ASCC3: variants seen among roughly 807,000 people sequenced by gnomAD.
The protein encoded by ASCC3 is activating signal cointegrator 1 complex subunit 3.
In ASCC3, 158 loss-of-function variants were observed where a neutral mutation model predicts 256.3. The observed-to-expected ratio is 0.62, with a 90% CI of 0.54 to 0.70. ASCC3 has a LOEUF of 0.70. Ranked by LOEUF, ASCC3 falls within the 30% of genes least tolerant of loss-of-function variation. The pLI is 0.00. For synonymous variants in ASCC3, 948 were observed against 883.4 expected, an observed-to-expected ratio of 1.07 and a Z score of -1.30; for missense variants, 2,259 against 2,626.0, an observed-to-expected ratio of 0.86 and a Z score of 3.05.
intron 10 of ASCC3, among the ~76,000 whole-genome samples, chr6:100,766,335 A>C (rs1415912622): frequency 5.3e-5 from 8 of 152,142 alleles, no homozygotes; most frequent in Non-Finnish European, 2.9e-5. Context: ...TTGGAACCTA[A>C]CCATATTTGA....
chr6:100,738,134 A>C (rs1397491898), intron 10 of ASCC3, among the ~76,000 whole-genome samples: 2 of 152,154 alleles, frequency 1.3e-5, no homozygotes, highest in African/African-American at 4.8e-5. Flanking sequence ...TGTCAGATGG[A>C]TAGATTGAGA....
intron 30 of ASCC3, among the ~76,000 whole-genome samples, chr6:100,617,722 T>C (rs755578495): frequency 2.0e-5 from 3 of 152,196 alleles, no homozygotes; most frequent in African/African-American, 7.2e-5. Flanking sequence ...AAGCACTCCT[T>C]CCTTCACAGA....
At chr6:100,543,884 C>T (rs1017062643) in intron 36 of ASCC3, among the ~76,000 whole-genome samples, 2 of 152,022 alleles carry the variant, frequency 1.3e-5, no homozygotes, top group Admixed American at 6.5e-5. Flanking sequence ...AAACACACAA[C>T]GCAATAAGAG....
intron 8 of ASCC3, among the ~76,000 whole-genome samples, chr6:100,770,803 T>C (rs1781882361): frequency 6.6e-6 from 1 of 151,752 alleles, no homozygotes; most frequent in African/African-American, 2.4e-5. Context: ...CTGAAAAATA[T>C]TCTATTTTGC....
chr6:100,516,206 C>T lies in ASCC3; in HGVS notation c.6049G>A (p.Glu2017Lys), dbSNP rs1289343553. The T allele has an allele frequency of 1.2e-6, 2 of 1,613,496 alleles. No homozygotes were observed. Among genetic ancestry groups the T allele is most frequent in the Non-Finnish European group, 1.7e-6 (2 of 1,179,682 alleles). The change falls in exon 39 of 42, where the codon GAG becomes AAG. Residue 2017 changes from glutamate to lysine, a missense_variant. By Grantham distance (56) the Glu-to-Lys change is moderately conservative. This residue lies in a region of ASCC3 where 1,839 missense variants were observed against 2,206.7 expected (regional missense o/e 0.83). Coordinates refer to ENST00000369162, the MANE Select transcript of ASCC3 (RefSeq NM_006828.4). ...TGTTTCGTTTTTGCAGCATGTAGCT[C>T]ACTTTCTACCATGGAGCTAAATACA... is the stretch of plus-strand genomic sequence containing the variant. ...DHVFSSMVES[E>K]LHAAKTKQAW...
intron 4 of ASCC3, among the ~76,000 whole-genome samples, chr6:100,845,124 G>A (rs1772326504): frequency 6.6e-6 from 1 of 152,076 alleles, no homozygotes; most frequent in Non-Finnish European, 1.5e-5. Flanking sequence ...ACAGGAATAT[G>A]TACAAATCTA....
chr6:100,802,969 C>G (rs1278292490), intron 5 of ASCC3, among the ~76,000 whole-genome samples: 3 of 152,070 alleles, frequency 2.0e-5, no homozygotes, highest in Non-Finnish European at 4.4e-5. Flanking sequence ...GATTGTGCCA[C>G]TGCTCCCTAG....
rs541245871 is a variant in ASCC3 at position 100,842,607 on chromosome 6, C to T, written c.801+5541G>A. Among the ~76,000 whole-genome samples the T allele has an allele frequency of 1.6e-3, 237 of 151,868 alleles. 1 individual carries two copies. The highest frequency in any genetic ancestry group is 4.9e-3 in the African/African-American group (203 of 41,424). On this transcript the variant is annotated intron_variant, in intron 4 of 41. Transcript: ENST00000369162. ...CTCTTCATACTTTTTTTCTGATTTT[C>T]GAAAATAGTTATTTTTCATAAAAAT...
rs748435293 is a variant in ASCC3, at chr6:100,652,896, C to A, written c.2824-7G>T. Reference sequence around the variant, plus strand: ...TTCTTAATGTTGGGTCAATCTATGGCAAAAAATATATAAACAGTTGAATAG... The same window carrying A: ...TTCTTAATGTTGGGTCAATCTATGGAAAAAAATATATAAACAGTTGAATAG... On this transcript the variant is annotated splice_polypyrimidine_tract_variant and splice_region_variant and intron_variant, in intron 17 of 41. Coordinates refer to ENST00000369162, the MANE Select transcript of ASCC3 (RefSeq NM_006828.4). 1.9e-6 allele frequency: 3 copies of A among 1,612,348 alleles called. No homozygotes were observed. The South Asian group carries it at 3.3e-5, about 18-fold the overall frequency.
chr6:100,803,067 T>C (rs892479327), intron 5 of ASCC3, among the ~76,000 whole-genome samples: 7 of 152,024 alleles, frequency 4.6e-5, no homozygotes, highest in Non-Finnish European at 1.5e-5. Context: ...ACTGACAAAA[T>C]GAAATATCAA....
intron 4 of ASCC3, among the ~76,000 whole-genome samples, chr6:100,843,348 G>A (rs1251774444): frequency 6.6e-6 from 1 of 152,156 alleles, no homozygotes; most frequent in African/African-American, 2.4e-5. Context: ...CATGGGTCAA[G>A]TAACGCCATC....
At chr6:100,610,705 G>A (rs1190726481) in intron 30 of ASCC3, among the ~76,000 whole-genome samples, 1 of 152,028 alleles carries the variant, frequency 6.6e-6, no homozygotes, top group Non-Finnish European at 1.5e-5. Context: ...TGTTAAGCAG[G>A]AATATGGAAA....
intron 10 of ASCC3, among the ~76,000 whole-genome samples, chr6:100,755,698 A>G (rs888326728): frequency 3.3e-5 from 5 of 152,112 alleles, no homozygotes; most frequent in Admixed American, 2.0e-4. Flanking sequence ...AAAAGTTTAA[A>G]TTTCAAATAT....
Position 100,607,074 on chromosome 6 carries a change from A to G in ASCC3, c.4800T>C (p.Ile1600=). 1 of 1,613,652 alleles carries G rather than the reference A, an allele frequency of 6.2e-7. No homozygotes were observed. The highest frequency in any genetic ancestry group is 8.5e-7 in the Non-Finnish European group (1 of 1,179,774). Residue 1600 remains isoleucine (I), a synonymous_variant, in exon 31 of 42, where the codon ATT becomes ATC. Coordinates refer to ENST00000369162, the MANE Select transcript of ASCC3 (RefSeq NM_006828.4). The part of the protein sequence containing the change: ...NMDEREMENI[I]ATVRDSNLKL... The stretch of plus-strand genomic sequence containing the variant: ...TGAGGTTGGAATCTCTTACTGTTGC[A>G]ATGATGTTCTCCATCTGCAAGTAAA...
intron 8 of ASCC3, among the ~76,000 whole-genome samples, chr6:100,774,753 C>G (rs557458343): frequency 1.9e-4 from 29 of 152,146 alleles, no homozygotes; most frequent in Non-Finnish European, 4.1e-4. Flanking sequence ...ATCCTCCCAC[C>G]TCAGCTTCCC....
intron 13 of ASCC3, among the ~76,000 whole-genome samples, chr6:100,708,763 G>A (rs12209777): frequency 0.48 from 73,384 of 151,798 alleles, 17,856 homozygotes; most frequent in South Asian, 0.68. Flanking sequence ...GGATATATAT[G>A]TTAATCATAT....
chr6:100,814,763 T>C (rs1237947553), intron 4 of ASCC3, among the ~76,000 whole-genome samples: 1 of 152,190 alleles, frequency 6.6e-6, no homozygotes, highest in Non-Finnish European at 1.5e-5. Flanking sequence ...TGGTTGTTTG[T>C]ATTTCTGTGG....
At chr6:100,815,314 C>A (rs1317942008) in intron 4 of ASCC3, among the ~76,000 whole-genome samples, 1 of 151,876 alleles carries the variant, frequency 6.6e-6, no homozygotes, top group African/African-American at 2.4e-5. Context: ...TTGGAAGAAT[C>A]AATATCGTTA....
At position 100,833,781 on chromosome 6, in the gene ASCC3, G is replaced by A. The variant is rs79976063; in HGVS notation, c.801+14367C>T. On this transcript the variant is annotated intron_variant, in intron 4 of 41. Transcript: ENST00000369162. ...GGGCCGCAGTGAAAGGTGGCAGGAC[G>A]CGCGCTTTTAAAGGCTGAAATCCTG... Among the ~76,000 whole-genome samples the A allele has an allele frequency of 3.1e-3, 479 of 152,232 alleles. 5 individuals are homozygous for A. Among genetic ancestry groups the A allele is most frequent in the African/African-American group, 0.011 (463 of 41,544 alleles).
Sources: allele counts gnomAD v4.1 joint callset (sites outside exome capture counted in the v4.1 genomes callset), GRCh38; gene constraint gnomAD v4.1.1; regional missense constraint gnomAD v4.1.1; transcripts MANE v1.5; gene names NCBI Gene and HGNC (gene_info 2026-07-23, HGNC 2026-07-21).